SLC39A10: variants seen among roughly 807,000 people sequenced by gnomAD.
The protein encoded by SLC39A10 is solute carrier family 39 member 10.
In SLC39A10, 13 loss-of-function variants were observed where a neutral mutation model predicts 65.1. The observed-to-expected ratio is 0.20, with a 90% confidence interval of 0.13 to 0.32. The LOEUF (loss-of-function observed/expected upper bound fraction) is 0.32. Ranked by LOEUF, SLC39A10 falls within the 10% of genes least tolerant of loss-of-function variation. The probability of loss-of-function intolerance (pLI) is 1.00; values close to 1 mark genes in which losing one functional copy is unlikely to be tolerated. For missense variants in SLC39A10, 831 were observed against 1,018.4 expected (o/e 0.82, Z 2.50); for synonymous variants, 321 against 342.2 (o/e 0.94, Z 0.68).
chr2:195,620,500 C>A (rs1050225131), intron 2 of SLC39A10, among the ~76,000 whole-genome samples: 1 of 152,008 alleles, frequency 6.6e-6, no homozygotes, highest in Non-Finnish European at 1.5e-5. Context: ...ATTAGAGTTA[C>A]ATTGGGTAGT....
chr2:195,648,011 G>A (rs1688960116), intron 2 of SLC39A10, among the ~76,000 whole-genome samples: 1 of 151,998 alleles, frequency 6.6e-6, no homozygotes. Context: ...TTAATTTACT[G>A]AGGCAAGGTC....
chr2:195,633,991 TATCAAC>T (rs1688648314), intron 2 of SLC39A10, among the ~76,000 whole-genome samples: 1 of 152,252 alleles, frequency 6.6e-6, no homozygotes, highest in Non-Finnish European at 1.5e-5. Context: ...CTCCTGTCCC[TATCAAC>T]AGTGTGATAT....
At chr2:195,710,133 T>G (rs1691557293) in intron 5 of SLC39A10, among the ~76,000 whole-genome samples, 1 of 152,184 alleles carries the variant, frequency 6.6e-6, no homozygotes, top group African/African-American at 2.4e-5. Context: ...ACCTCACATT[T>G]ATGAGAATAC....
chr2:195,720,446 C>T (rs1444368895), intron 8 of SLC39A10, among the ~76,000 whole-genome samples: 1 of 152,146 alleles, frequency 6.6e-6, no homozygotes. Flanking sequence ...AGAAAAAATG[C>T]TAATGCCACC....
chr2:195,618,414 T>C (rs2105684091), intron 2 of SLC39A10, among the ~76,000 whole-genome samples: 1 of 150,642 alleles, frequency 6.6e-6, no homozygotes, highest in South Asian at 2.1e-4. Flanking sequence ...GAAAGCAAGA[T>C]TCAAATCCAG....
rs1690252695 is a variant in SLC39A10 at position 195,680,340 on chromosome 2, AATC to A, written c.301_303del (p.His101del). 6.2e-7 allele frequency: 1 copy of A among 1,614,064 alleles called. No individual in the cohort carries two copies. Among genetic ancestry groups the A allele is most frequent in the Admixed American group, 1.7e-5 (1 of 59,998 alleles). On this transcript the variant is annotated inframe_deletion, in exon 2 of 10. Transcript: ENST00000359634. ...TGGAGAGAGAAAAGTAGTTGAGATT[AATC>A]ATGAGGATCTTGGCCACGATCATGT...
chr2:195,630,378 A>T (rs974819657), intron 2 of SLC39A10, among the ~76,000 whole-genome samples: 4 of 152,114 alleles, frequency 2.6e-5, no homozygotes, highest in Non-Finnish European at 5.9e-5. Flanking sequence ...CAGGGCTTCC[A>T]TGCCCTCCCT....
At chr2:195,722,097 G>A (rs1230556858) in intron 8 of SLC39A10, among the ~76,000 whole-genome samples, 2 of 152,144 alleles carry the variant, frequency 1.3e-5, no homozygotes, top group African/African-American at 2.4e-5. Flanking sequence ...AAACTGGAGC[G>A]GAGAACTCTG....
chr2:195,718,240 T>C lies in SLC39A10; in HGVS notation c.2066-12T>C. On this transcript the variant is annotated splice_polypyrimidine_tract_variant and intron_variant, in intron 7 of 9. Transcript: ENST00000359634. ...AGCAAACCTCACTTGTTTTTTTTCT[T>C]ATCTTCCTCAGGTGCAGCTTTCAGT... The C allele has an allele frequency of 6.2e-7, 1 of 1,601,352 alleles. No individual in the cohort carries two copies. The highest frequency in any genetic ancestry group is 8.5e-7 in the Non-Finnish European group (1 of 1,171,358).
chr2:195,654,629 A>G (rs1689110940), upstream of SLC39A10, among the ~76,000 whole-genome samples: 1 of 151,900 alleles, frequency 6.6e-6, no homozygotes, highest in Non-Finnish European at 1.5e-5. Context: ...TACTATTTTT[A>G]TAGTTGAGAT....
intron 9 of SLC39A10, among the ~76,000 whole-genome samples, chr2:195,730,678 G>A (rs541315755): frequency 1.1e-4 from 16 of 152,154 alleles, no homozygotes; most frequent in African/African-American, 2.9e-4. Flanking sequence ...TCCTAAATTC[G>A]TATCTTTATT....
intron 2 of SLC39A10, among the ~76,000 whole-genome samples, chr2:195,645,294 AT>A (rs1688892235): frequency 6.6e-6 from 1 of 152,252 alleles, no homozygotes; most frequent in East Asian, 1.9e-4. Flanking sequence ...TTGCCTATAC[AT>A]TTTGGTAATC....
At chr2:195,734,059 T>C (rs1230524264) in intron 9 of SLC39A10, among the ~76,000 whole-genome samples, 1 of 150,626 alleles carries the variant, frequency 6.6e-6, no homozygotes, top group East Asian at 2.0e-4. Context: ...ATCTCTTTGC[T>C]GTCATGAGCA....
intron 2 of SLC39A10, among the ~76,000 whole-genome samples, chr2:195,614,999 C>T (rs1688174899): frequency 6.6e-6 from 1 of 152,126 alleles, no homozygotes; most frequent in African/African-American, 2.4e-5. Flanking sequence ...TACAGTGAGC[C>T]GTGATTGTGA....
intron 3 of SLC39A10, among the ~76,000 whole-genome samples, chr2:195,688,854 A>G (rs1364959887): frequency 6.6e-6 from 1 of 152,182 alleles, no homozygotes; most frequent in South Asian, 2.1e-4. Flanking sequence ...TGTAGTTATA[A>G]GTTTGTTTTG....
intron 2 of SLC39A10, among the ~76,000 whole-genome samples, chr2:195,644,514 G>T (rs903998062): frequency 1.3e-5 from 2 of 151,620 alleles, no homozygotes; most frequent in Non-Finnish European, 2.9e-5. Flanking sequence ...GCTAATTTTT[G>T]TATTTTTAGT....
chr2:195,622,225 G>T (rs180704357), intron 2 of SLC39A10, among the ~76,000 whole-genome samples: 1 of 152,182 alleles, frequency 6.6e-6, no homozygotes, highest in Non-Finnish European at 1.5e-5. Context: ...AAATAGTTGG[G>T]CATGGTGGTG....
intron 1 of SLC39A10, among the ~76,000 whole-genome samples, chr2:195,662,808 C>A (rs988594452): frequency 6.6e-6 from 1 of 152,106 alleles, no homozygotes; most frequent in Admixed American, 6.5e-5. Flanking sequence ...ATTGTTGGAA[C>A]AAAACTTGCT....
intron 1 of SLC39A10, chr2:195,671,756 A>G (rs2105752280): frequency 6.6e-6 from 1 of 152,300 alleles, no homozygotes; most frequent in East Asian, 1.9e-4. Context: ...TAGCCAATTG[A>G]GATCATGTGA....
Sources: gnomAD v4.1 joint callset for allele counts (sites outside exome capture counted in the v4.1 genomes callset) on GRCh38, gnomAD v4.1.1 for gene constraint, MANE v1.5 for transcripts, NCBI Gene and HGNC (gene_info 2026-07-23, HGNC 2026-07-21) for gene names.